Variants in GPHN observed in about 807,000 individuals in gnomAD.
GPHN encodes the protein gephyrin.
GPHN carries 17 observed loss-of-function variants against 95.5 expected under a neutral mutation model. The ratio of observed to expected loss-of-function variants is 0.18; its 90% CI spans 0.12 to 0.27. GPHN has a LOEUF of 0.27. GPHN is among the 10% of genes least tolerant of loss of function. The pLI is 1.00. For synonymous variants in GPHN, 320 were observed against 322.5 expected, an observed-to-expected ratio of 0.99 and a Z score of 0.08; for missense variants, 660 against 978.1, an observed-to-expected ratio of 0.67 and a Z score of 4.34.
intron 1 of GPHN, among the ~76,000 whole-genome samples, chr14:66,553,227 G>A (rs2059887909): frequency 6.6e-6 from 1 of 152,036 alleles, no homozygotes; most frequent in South Asian, 2.1e-4. Flanking sequence ...TTGACCTCAG[G>A]CAATCTGCCC....
chr14:66,759,274 C>G (rs2058677360), intron 2 of GPHN, among the ~76,000 whole-genome samples: 1 of 152,106 alleles, frequency 6.6e-6, no homozygotes, highest in African/African-American at 2.4e-5. Flanking sequence ...AAGTGACATT[C>G]TTTACTCACC....
At chr14:66,780,083 A>C (rs1298874694) in intron 3 of GPHN, among the ~76,000 whole-genome samples, 1 of 152,176 alleles carries the variant, frequency 6.6e-6, no homozygotes, top group African/African-American at 2.4e-5. Context: ...GTTTAGGGGA[A>C]ATTGGAAAGA....
At chr14:67,416,348 G>A in the GPHN span, among the ~76,000 whole-genome samples, 1 of 152,192 alleles carries the variant, frequency 6.6e-6, no homozygotes. Context: ...AAGAGACTCA[G>A]AACTGAGAAG....
intron 16 of GPHN, among the ~76,000 whole-genome samples, chr14:67,114,323 C>T (rs957201262): frequency 6.6e-6 from 1 of 152,086 alleles, no homozygotes; most frequent in African/African-American, 2.4e-5. Context: ...ACTCAGTGAA[C>T]TATTCTTTTT....
the GPHN span, chr14:67,200,527 G>T: frequency 7.4e-6 from 2 of 269,478 alleles, no homozygotes; most frequent in Non-Finnish European, 1.4e-5. Context: ...AATGCACAGA[G>T]AAAATAAAAC....
At chr14:66,940,675 A>C (rs534405081) in intron 8 of GPHN, among the ~76,000 whole-genome samples, 7 of 152,298 alleles carry the variant, frequency 4.6e-5, no homozygotes, top group Admixed American at 2.0e-4. Context: ...AGTCATGCTC[A>C]CCTGCATTGT....
At chr14:67,626,235 C>CA in the GPHN span, among the ~76,000 whole-genome samples, 1 of 151,724 alleles carries the variant, frequency 6.6e-6, no homozygotes, top group East Asian at 1.9e-4. Flanking sequence ...GCCTGGGCAA[C>CA]AGAGTGAGAC....
At chr14:67,221,069 T>G in the GPHN span, among the ~76,000 whole-genome samples, 1 of 152,328 alleles carries the variant, frequency 6.6e-6, no homozygotes, top group East Asian at 1.9e-4. Context: ...TGTTTTAGTA[T>G]GCCAATGAGG....
chr14:67,330,818 A>AT, the GPHN span, among the ~76,000 whole-genome samples: 2 of 152,142 alleles, frequency 1.3e-5, no homozygotes, highest in Non-Finnish European at 2.9e-5. Context: ...GTTTCCACCT[A>AT]TTTGGAGATG....
the GPHN span, among the ~76,000 whole-genome samples, chr14:67,192,318 C>G: frequency 6.6e-6 from 1 of 151,956 alleles, no homozygotes; most frequent in Non-Finnish European, 1.5e-5. Context: ...CCATGATAGC[C>G]CATAACAACC....
intron 1 of GPHN, among the ~76,000 whole-genome samples, chr14:66,610,260 C>T (rs973507016): frequency 2.0e-5 from 3 of 152,020 alleles, no homozygotes; most frequent in South Asian, 4.1e-4. Flanking sequence ...GTATAATGGC[C>T]GATAGATAGG....
intron 17 of GPHN, among the ~76,000 whole-genome samples, chr14:67,130,910 T>C (rs151333837): frequency 9.8e-5 from 15 of 152,330 alleles, no homozygotes; most frequent in Non-Finnish European, 1.6e-4. Flanking sequence ...GCTGCTTGTA[T>C]GTCTTCTTTT....
chr14:67,117,279 A>C (rs1169081453), intron 16 of GPHN, among the ~76,000 whole-genome samples: 1 of 152,248 alleles, frequency 6.6e-6, no homozygotes, highest in African/African-American at 2.4e-5. Context: ...GGATTAATTA[A>C]GTCTTTAAAA....
At chr14:66,793,888 TAGAAA>T (rs2060064248) in intron 3 of GPHN, among the ~76,000 whole-genome samples, 1 of 152,058 alleles carries the variant, frequency 6.6e-6, no homozygotes, top group Non-Finnish European at 1.5e-5. Context: ...AAGAGACATA[TAGAAA>T]ACATAGAGAA....
the GPHN span, among the ~76,000 whole-genome samples, chr14:67,191,015 C>T: frequency 6.6e-6 from 1 of 152,204 alleles, no homozygotes; most frequent in Non-Finnish European, 1.5e-5. Flanking sequence ...AGGTGGATCA[C>T]CTGAGGTCAG....
At chr14:67,261,455 CGA>C in the GPHN span, among the ~76,000 whole-genome samples, 2 of 152,038 alleles carry the variant, frequency 1.3e-5, no homozygotes, top group African/African-American at 4.8e-5. Flanking sequence ...ATTACAGTTA[CGA>C]TTTTGAAAAT....
At chr14:66,731,657 T>C (rs572046774) in intron 2 of GPHN, among the ~76,000 whole-genome samples, 16 of 152,322 alleles carry the variant, frequency 1.1e-4, no homozygotes, top group Admixed American at 7.8e-4. Flanking sequence ...AAATCAATTT[T>C]ATGGGGAGAA....
At chr14:66,761,735 C>T (rs2058763716) in intron 2 of GPHN, among the ~76,000 whole-genome samples, 2 of 151,190 alleles carry the variant, frequency 1.3e-5, no homozygotes, top group Middle Eastern at 3.4e-3. Flanking sequence ...TCTTGGCTCA[C>T]TGCAAGCTCC....
At chr14:67,689,852 G>A in the GPHN span, among the ~76,000 whole-genome samples, 4 of 152,072 alleles carry the variant, frequency 2.6e-5, no homozygotes, top group Non-Finnish European at 5.9e-5. Context: ...GCTGAGGCAG[G>A]AGAATCACTT....
Sources: allele counts gnomAD v4.1 joint callset (sites outside exome capture counted in the v4.1 genomes callset), GRCh38; gene constraint gnomAD v4.1.1; transcripts MANE v1.5; gene names NCBI Gene and HGNC (gene_info 2026-07-23, HGNC 2026-07-21).